Variants in FOLH1 observed in about 807,000 individuals in gnomAD.
The protein encoded by FOLH1 is folate hydrolase 1.
A neutral mutation model predicts 93.9 loss-of-function variants in FOLH1; 54 were observed. That is an observed-to-expected ratio of 0.57 (90% CI 0.46 to 0.72). FOLH1 has a LOEUF of 0.72. FOLH1 is among the 30% of genes least tolerant of loss of function. The pLI is 0.00. For synonymous variants in FOLH1, 249 were observed against 303.6 expected (o/e 0.82, Z 1.87); for missense variants, 571 against 892.5 (o/e 0.64, Z 4.59).
chr11:49,207,640 C>T (rs533787825), intron 1 of FOLH1: 3 of 319,502 alleles, frequency 9.4e-6, no homozygotes, highest in African/African-American at 6.5e-5. Flanking sequence ...CAATAATTTG[C>T]AGATAATATT....
chr11:49,193,246 A>G (rs1862266252), intron 3 of FOLH1, among the ~76,000 whole-genome samples: 1 of 152,232 alleles, frequency 6.6e-6, no homozygotes, highest in Admixed American at 6.5e-5. Context: ...TTCCAAAAGG[A>G]ATACTATATA....
chr11:49,202,627 T>C (rs571411412), intron 2 of FOLH1, among the ~76,000 whole-genome samples: 13 of 152,342 alleles, frequency 8.5e-5, no homozygotes, highest in African/African-American at 2.9e-4. Flanking sequence ...ATTACATGGG[T>C]GAGCCACTAT....
intron 4 of FOLH1, among the ~76,000 whole-genome samples, chr11:49,190,812 C>G (rs1339361434): frequency 1.3e-5 from 2 of 152,060 alleles, no homozygotes; most frequent in African/African-American, 4.8e-5. Flanking sequence ...GATTACTGAT[C>G]GTGAATTTTT....
chr11:49,148,763 C>T (rs1173025821), intron 17 of FOLH1, 32 bp from the exon 18 acceptor site: 1 of 1,495,938 alleles, frequency 6.7e-7, no homozygotes, highest in South Asian at 1.3e-5. Context: ...ATTATAACTT[C>T]ATGAAAATAT....
Position 49,190,704 on chromosome 11 carries a change from T to C in FOLH1, c.513+2089A>G, listed in dbSNP as rs146776202. Among the ~76,000 whole-genome samples, 63 of 152,318 alleles carry C rather than the reference T, an allele frequency of 4.1e-4. No homozygotes were observed. In the East Asian group the frequency reaches 9.3e-3, roughly 22 times the overall value. ...ACACTAAAGCTTGAGAACCACTAGA[T>C]AGACTATATTTTATGAACATCGCAA... On this transcript the variant is annotated intron_variant, in intron 4 of 18. Transcript: ENST00000256999.
chr11:49,154,217 G>C lies in FOLH1; in HGVS notation c.1888+11C>G, dbSNP rs1180371727. The C allele has an allele frequency of 6.2e-7, 1 of 1,611,784 alleles. No homozygotes were observed. Among genetic ancestry groups the C allele is most frequent in the African/African-American group, 1.3e-5 (1 of 74,824 alleles). On this transcript the variant is annotated intron_variant, in intron 16 of 18. Transcript: ENST00000256999. ...ACAGATGAGGAATTTGAAAAAGGAA[G>C]GGTAACATACCAAATGATACACTGT...
intron 9 of FOLH1, among the ~76,000 whole-genome samples, chr11:49,174,039 C>A (rs189704185): frequency 1.3e-5 from 2 of 152,136 alleles, no homozygotes; most frequent in Non-Finnish European, 2.9e-5. Context: ...GCATTGATCA[C>A]CCTTAAGCAT....
intron 13 of FOLH1, among the ~76,000 whole-genome samples, 185 bp downstream of exon 13, chr11:49,164,520 G>T (rs1858124718): frequency 6.6e-6 from 1 of 152,156 alleles, no homozygotes; most frequent in African/African-American, 2.4e-5. Context: ...CACTGGTGTG[G>T]TGAGAAATGA....
rs1479055497 is a variant in FOLH1 at position 49,195,322 on chromosome 11, A to C, written c.412-2428T>G. On this transcript the variant is annotated intron_variant, in intron 3 of 18. Transcript: ENST00000256999. ...TACTTGTAAATAGTTGCAGGATCAA[A>C]GAAGAAAATACAGAAATTAAAAAAT... Among the ~76,000 whole-genome samples the C allele has an allele frequency of 2.0e-5, 3 of 152,316 alleles. No individual in the cohort carries two copies. The East Asian group carries it at 5.8e-4, about 29-fold the overall frequency.
intron 12 of FOLH1, among the ~76,000 whole-genome samples, chr11:49,167,961 T>C: frequency 6.7e-6 from 1 of 149,850 alleles, no homozygotes; most frequent in Non-Finnish European, 1.5e-5. Context: ...CATCAAGGTC[T>C]CATGTTCCAA....
intron 3 of FOLH1, among the ~76,000 whole-genome samples, chr11:49,193,116 C>G (rs752417704): frequency 4.6e-5 from 7 of 151,936 alleles, no homozygotes; most frequent in Non-Finnish European, 8.8e-5. Flanking sequence ...TAGATCTATT[C>G]AAGGAAACAA....
At chr11:49,174,567 T>TAA (rs966828466) in intron 9 of FOLH1, among the ~76,000 whole-genome samples, 4 of 151,982 alleles carry the variant, frequency 2.6e-5, no homozygotes, top group Non-Finnish European at 5.9e-5. Flanking sequence ...AAAAATATGG[T>TAA]AAAAAAAAAT....
At chr11:49,154,050 AT>A (rs1856748849) in intron 16 of FOLH1, 123 bp from the exon 17 acceptor site, 2 of 1,315,070 alleles carry the variant, frequency 1.5e-6, no homozygotes, top group African/African-American at 3.0e-5. Context: ...AGGTATTTAT[AT>A]TTTTATATTA....
chr11:49,156,929 A>G lies in FOLH1; in HGVS notation c.1533-122T>C, dbSNP rs147468728. ...AATGTAATTTTAAACATACAGCTTT[A>G]GACATGCAGCAAAAACATGAAAAGA... On this transcript the variant is annotated intron_variant, in intron 14 of 18. Transcript: ENST00000256999. 1,653 of 1,489,848 alleles carry G rather than the reference A, an allele frequency of 1.1e-3. 22 individuals are homozygous for G. In the African/African-American group the frequency reaches 0.021, roughly 19 times the overall value. The allele number at this position is 1,489,848 out of a possible 1,614,324, so 92.3% of individuals were successfully genotyped here.
chr11:49,179,677 C>T (rs1054214974), intron 7 of FOLH1, among the ~76,000 whole-genome samples: 1 of 152,082 alleles, frequency 6.6e-6, no homozygotes, highest in Middle Eastern at 3.2e-3. Flanking sequence ...GCTAAGCTTT[C>T]ACCTTAAGAA....
In FOLH1 at chr11:49,146,854, C is replaced by A. The variant is rs1349918315; in HGVS notation, c.2155G>T (p.Val719Leu). Residue 719 changes from valine to leucine, a missense_variant, in exon 19 of 19, where the codon GTG (valine) becomes TTG (leucine). Physicochemically the swap from Val to Leu is conservative, Grantham distance 32. This residue lies in a region of FOLH1 where 500 missense variants were observed against 822.9 expected (regional missense o/e 0.61). Transcript: ENST00000256999. ...YDALFDIESK[V>L]DPSKAWGEVK... ...TCTCCCCAGGCCTTGGAAGGGTCCA[C>A]TTTGCTTTCAATATCAAACAGAGCA... 1.9e-6 allele frequency: 3 copies of A among 1,613,506 alleles called. No individual in the cohort carries two copies. Among genetic ancestry groups the A allele is most frequent in the Middle Eastern group, 1.7e-4 (1 of 6,052 alleles).
Position 49,146,947 on chromosome 11 carries a change from T to C in FOLH1, c.2064-2A>G. The stretch of plus-strand genomic sequence containing the variant: ...CTGCTTGGAGCATAGATGACATGCC[T>C]GTTGATAAAATCGTTTGCTGTTTAT... On this transcript the variant is annotated splice_acceptor_variant, in intron 18 of 18. Coordinates refer to ENST00000256999, the MANE Select transcript of FOLH1 (RefSeq NM_004476.3). LOFTEE classifies it high-confidence loss of function. The C allele has an allele frequency of 1.2e-6, 2 of 1,606,860 alleles. No individual in the cohort carries two copies. Among genetic ancestry groups the C allele is most frequent in the Non-Finnish European group, 1.7e-6 (2 of 1,176,204 alleles).
chr11:49,159,148 C>T lies in FOLH1; in HGVS notation c.1441-1105G>A, dbSNP rs562267098. Among the ~76,000 whole-genome samples the T allele has an allele frequency of 3.0e-4, 45 of 152,260 alleles. 1 individual carries two copies. In the South Asian group the frequency reaches 9.1e-3, roughly 31 times the overall value. ...TTTTTATCTTGCCTGATTACCCTGGCCAGCACTTCCAATACTATGTTGAAT... is the reference window on the plus strand; with the variant it reads ...TTTTTATCTTGCCTGATTACCCTGGTCAGCACTTCCAATACTATGTTGAAT... On this transcript the variant is annotated intron_variant, in intron 13 of 18. Transcript: ENST00000256999.
At chr11:49,166,553 G>A (rs1473288074) in intron 12 of FOLH1, among the ~76,000 whole-genome samples, 2 of 152,332 alleles carry the variant, frequency 1.3e-5, no homozygotes, top group Middle Eastern at 3.4e-3. Context: ...ATGCCAACAT[G>A]ATGGAAACAC....
Sources: gnomAD v4.1 joint callset for allele counts (sites outside exome capture counted in the v4.1 genomes callset) on GRCh38, gnomAD v4.1.1 for gene constraint, gnomAD v4.1.1 regional missense constraint, MANE v1.5 for transcripts, NCBI Gene and HGNC (gene_info 2026-07-23, HGNC 2026-07-21) for gene names.